PWWP3B: variants seen among roughly 807,000 people sequenced by gnomAD.
PWWP3B encodes PWWP domain-containing DNA repair factor 3B.
In PWWP3B, 5 loss-of-function variants were observed where a neutral mutation model predicts 15.7. The ratio of observed to expected loss-of-function variants is 0.32; its 90% CI spans 0.17 to 0.67. PWWP3B has a LOEUF of 0.67. PWWP3B is among the 30% of genes least tolerant of loss of function. The probability of loss-of-function intolerance (pLI) is 0.74; values close to 1 mark genes in which losing one functional copy is unlikely to be tolerated. For synonymous variants in PWWP3B, 203 were observed against 179.8 expected (o/e 1.13, Z -1.03); for missense variants, 519 against 493.1 (o/e 1.05, Z -0.50).
intron 2 of PWWP3B, among the ~76,000 whole-genome samples, chrX:106,189,621 T>C (rs1476887934): frequency 9.8e-6 from 1 of 101,995 alleles, no homozygotes; most frequent in African/African-American, 3.6e-5. Context: ...TCTTTTTTTT[T>C]TTTTTTTTTT....
chrX:106,170,964 G>A (rs1921583110), intron 1 of PWWP3B, 48 bp from the exon 2 acceptor site: 1 of 111,349 alleles, frequency 9.0e-6, no homozygotes, highest in Admixed American at 9.6e-5. Flanking sequence ...TTTAGGTAGG[G>A]AAATTTATTT....
At chrX:106,182,989 T>C (rs1922297966) in intron 2 of PWWP3B, among the ~76,000 whole-genome samples, 1 of 111,190 alleles carries the variant, frequency 9.0e-6, no homozygotes, top group Non-Finnish European at 1.9e-5. Context: ...GTATCAAGGC[T>C]GGTCTGGCAG....
In PWWP3B at chrX:106,206,240, T is replaced by C. The variant is rs1252013991; in HGVS notation, c.808T>C (p.Ser270Pro). Residue 270 changes from serine (S) to proline (P), a missense_variant, in exon 4 of 4, where the codon TCT (serine) becomes CCT (proline). By Grantham distance (74) the Ser-to-Pro change is moderately conservative. Transcript: ENST00000357175. ...DTCLETLAVP[S>P]ECSAFSENIE... ...CTGCCTAGAGACCCTGGCTGTTCCC[T>C]CTGAATGCTCTGCTTTCTCAGAGAA... The C allele has an allele frequency of 1.7e-6, 2 of 1,204,640 alleles. No homozygotes were observed. The highest frequency in any genetic ancestry group is 2.2e-6 in the Non-Finnish European group (2 of 892,196).
chrX:106,206,742 G>A lies in PWWP3B; in HGVS notation c.1310G>A (p.Arg437Lys). 1 of 1,210,279 alleles carries A rather than the reference G, an allele frequency of 8.3e-7. No homozygotes were observed. The highest frequency in any genetic ancestry group is 1.1e-6 in the Non-Finnish European group (1 of 894,811). Residue 437 changes from arginine (R) to lysine (K), a missense_variant, in exon 4 of 4, where the codon AGA becomes AAA. By Grantham distance (26) the Arg-to-Lys change is conservative. Transcript: ENST00000357175. ...ATGAATTCTGAAAAGAAGGGCATTAGAGTAAATTTTAGAAGATTAAAGAAA... is the reference window on the plus strand; with the variant it reads ...ATGAATTCTGAAAAGAAGGGCATTAAAGTAAATTTTAGAAGATTAAAGAAA... Reference protein sequence around the residue: ...ANMNSEKKGIRVNFRRLKKFD... With the variant: ...ANMNSEKKGIKVNFRRLKKFD...
chrX:106,198,736 G>C (rs1923522752), intron 2 of PWWP3B, among the ~76,000 whole-genome samples: 1 of 111,165 alleles, frequency 9.0e-6, no homozygotes, highest in African/African-American at 3.3e-5. Flanking sequence ...CTTTTCCTTT[G>C]CATTTCATTT....
intron 2 of PWWP3B, among the ~76,000 whole-genome samples, chrX:106,174,876 C>T (rs1921800822): frequency 9.1e-6 from 1 of 109,593 alleles, no homozygotes; most frequent in African/African-American, 3.3e-5. Context: ...GGTGAAACCC[C>T]ATCTCTACTA....
At chrX:106,193,654 G>A (rs954936120) in intron 2 of PWWP3B, among the ~76,000 whole-genome samples, 1 of 111,861 alleles carries the variant, frequency 8.9e-6, no homozygotes, top group African/African-American at 3.3e-5. Flanking sequence ...TTACAATTTG[G>A]CATGTTTTTG....
At chrX:106,204,979 C>T (rs917398458) in intron 3 of PWWP3B, among the ~76,000 whole-genome samples, 1 of 111,052 alleles carries the variant, frequency 9.0e-6, no homozygotes, top group Non-Finnish European at 1.9e-5. Context: ...TACATTCACT[C>T]CTTAGTAAGC....
intron 2 of PWWP3B, among the ~76,000 whole-genome samples, chrX:106,191,507 C>A (rs967215212): frequency 9.0e-6 from 1 of 111,404 alleles, no homozygotes; most frequent in Non-Finnish European, 1.9e-5. Flanking sequence ...TTGACTTCCT[C>A]TTTTCCTAAT....
chrX:106,206,894 T>C lies in PWWP3B; in HGVS notation c.1462T>C (p.Ser488Pro). The C allele has an allele frequency of 8.3e-7, 1 of 1,211,023 alleles. No individual in the cohort carries two copies. The highest frequency in any genetic ancestry group is 1.1e-6 in the Non-Finnish European group (1 of 895,188). ...AATAGGTTGTGGTTCTTTCACGGGC[T>C]CTTTGCTTGAGTATTATGCTGCTGA... ...VRIGCGSFTG[S>P]LLEYYAADIS... The change falls in exon 4 of 4, where the codon TCT becomes CCT. Residue 488 changes from serine (S) to proline (P), a missense_variant. By Grantham distance (74) the Ser-to-Pro change is moderately conservative. Transcript: ENST00000357175.
chrX:106,182,584 C>T (rs906941317), intron 2 of PWWP3B, among the ~76,000 whole-genome samples: 1 of 111,162 alleles, frequency 9.0e-6, no homozygotes, highest in Admixed American at 9.6e-5. Flanking sequence ...CAAGGTAGCT[C>T]TGGTGAGTGG....
chrX:106,199,762 A>G (rs1314424310), intron 2 of PWWP3B, among the ~76,000 whole-genome samples: 1 of 111,462 alleles, frequency 9.0e-6, no homozygotes, highest in Non-Finnish European at 1.9e-5. Context: ...TCTGGGAAAG[A>G]CAATATTTTA....
At position 106,206,117 on chromosome X, in the gene PWWP3B, G is replaced by T. The variant is rs765748659; in HGVS notation, c.685G>T (p.Ala229Ser). Residue 229 changes from alanine (A) to serine (S), a missense_variant, in exon 4 of 4, where the codon GCA (alanine) becomes TCA (serine). By Grantham distance (99) the Ala-to-Ser change is moderately conservative (BLOSUM62 1). Coordinates refer to ENST00000357175, the MANE Select transcript of PWWP3B (RefSeq NM_001171020.2). Reference sequence around the variant, plus strand: ...GCATTCTGCAGTCAAAGAGGAAAGTGCATGTGTTAAAGATGAAAAGTTTGC... The same window carrying T: ...GCATTCTGCAGTCAAAGAGGAAAGTTCATGTGTTAAAGATGAAAAGTTTGC... ...SVHSAVKEES[A>S]CVKDEKFAPP... 6 of 1,209,573 alleles carry T rather than the reference G, an allele frequency of 5.0e-6. No homozygotes were observed. In the Admixed American group the frequency reaches 1.3e-4, roughly 26 times the overall value.
At chrX:106,172,763 A>G (rs1921689094) in intron 2 of PWWP3B, among the ~76,000 whole-genome samples, 1 of 111,887 alleles carries the variant, frequency 8.9e-6, no homozygotes, top group Admixed American at 9.5e-5. Flanking sequence ...ACATAAACCA[A>G]TAACAGTCAT....
At chrX:106,183,983 T>A (rs1922360552) in intron 2 of PWWP3B, among the ~76,000 whole-genome samples, 1 of 111,831 alleles carries the variant, frequency 8.9e-6, no homozygotes, top group African/African-American at 3.3e-5. Context: ...TTGGACAATC[T>A]TTTTTAAGGT....
At chrX:106,193,183 C>A (rs1159189921) in intron 2 of PWWP3B, among the ~76,000 whole-genome samples, 1 of 110,755 alleles carries the variant, frequency 9.0e-6, no homozygotes, top group Non-Finnish European at 1.9e-5. Context: ...TAAGTCTCTT[C>A]GTAGGTCACT....
chrX:106,184,857 C>T (rs1922411947), intron 2 of PWWP3B, among the ~76,000 whole-genome samples: 2 of 110,967 alleles, frequency 1.8e-5, no homozygotes, highest in East Asian at 5.7e-4. Flanking sequence ...GGGGACATAA[C>T]CGATAGCCCA....
At chrX:106,196,903 A>AT (rs1277828043) in intron 2 of PWWP3B, among the ~76,000 whole-genome samples, 4 of 111,414 alleles carry the variant, frequency 3.6e-5, no homozygotes, top group Non-Finnish European at 7.5e-5. Flanking sequence ...GTGCTACAAG[A>AT]TTTTTTTCAA....
At chrX:106,196,639 A>T (rs1426552367) in intron 2 of PWWP3B, among the ~76,000 whole-genome samples, 4 of 111,230 alleles carry the variant, frequency 3.6e-5, no homozygotes, top group African/African-American at 1.3e-4. Context: ...CCCAGGATAA[A>T]CTCCATTTGG....
Sources: allele counts gnomAD v4.1 joint callset (sites outside exome capture counted in the v4.1 genomes callset), GRCh38; gene constraint gnomAD v4.1.1; transcripts MANE v1.5; gene names NCBI Gene and HGNC (gene_info 2026-07-23, HGNC 2026-07-21).